Variants in LPP observed in about 807,000 individuals in gnomAD.
The protein encoded by LPP is lipoma-preferred partner.
In LPP, 38 loss-of-function variants were observed where a neutral mutation model predicts 60.4. The observed-to-expected ratio is 0.63, with a 90% CI of 0.49 to 0.83. LPP has a LOEUF of 0.83. Ranked by LOEUF, LPP falls within the 40% of genes least tolerant of loss-of-function variation. The probability of loss-of-function intolerance (pLI) is 0.00; values close to 1 mark genes in which losing one functional copy is unlikely to be tolerated. For synonymous variants in LPP, 328 were observed against 290.8 expected (o/e 1.13, Z -1.30); for missense variants, 902 against 783.6 (o/e 1.15, Z -1.80).
At chr3:188,320,688 G>T (rs902611254) in intron 2 of LPP, among the ~76,000 whole-genome samples, 2 of 152,168 alleles carry the variant, frequency 1.3e-5, no homozygotes, top group Admixed American at 6.5e-5. Context: ...CTTATCCATG[G>T]ATCAAGACTA....
At chr3:188,338,973 T>C (rs746478784) in intron 2 of LPP, among the ~76,000 whole-genome samples, 22 of 152,190 alleles carry the variant, frequency 1.4e-4, no homozygotes, top group Non-Finnish European at 1.8e-4. Context: ...TTTCTTCTGC[T>C]TTTTCTTTAC....
intron 3 of LPP, among the ~76,000 whole-genome samples, chr3:188,383,495 A>G (rs1022738155): frequency 6.6e-5 from 10 of 152,192 alleles, no homozygotes; most frequent in Non-Finnish European, 1.3e-4. Context: ...TGAAAGATGT[A>G]TACTATATAT....
At chr3:188,693,432 C>G (rs144387110) in intron 7 of LPP, among the ~76,000 whole-genome samples, 1 of 152,190 alleles carries the variant, frequency 6.6e-6, no homozygotes, top group Non-Finnish European at 1.5e-5. Context: ...GTCAAGAAAA[C>G]TTTCACCGTT....
intron 7 of LPP, among the ~76,000 whole-genome samples, chr3:188,642,116 TC>T (rs1267400969): frequency 6.6e-6 from 1 of 152,012 alleles, no homozygotes; most frequent in Non-Finnish European, 1.5e-5. Context: ...TAAGCTAACA[TC>T]CCCAGTTTTG....
chr3:188,160,060 C>T (rs1717755650), intron 1 of LPP, among the ~76,000 whole-genome samples: 2 of 151,886 alleles, frequency 1.3e-5, no homozygotes, highest in African/African-American at 4.8e-5. Flanking sequence ...TTACAGGTGC[C>T]CGCCACCACT....
chr3:188,669,234 C>T (rs186669152), intron 7 of LPP, among the ~76,000 whole-genome samples: 3 of 152,076 alleles, frequency 2.0e-5, no homozygotes, highest in South Asian at 2.1e-4. Flanking sequence ...CAGAGCAAGC[C>T]GCATAAATCA....
intron 6 of LPP, among the ~76,000 whole-genome samples, chr3:188,527,956 A>C (rs894282615): frequency 6.6e-6 from 1 of 152,078 alleles, no homozygotes; most frequent in Admixed American, 6.6e-5. Flanking sequence ...TTTATAAAAA[A>C]TCCTCCATGA....
At position 188,889,470 on chromosome 3, in the gene LPP, C is replaced by T. The variant is rs35827609; in HGVS notation, c.*14991C>T. On this transcript the variant is annotated 3_prime_UTR_variant, in exon 12 of 12. Coordinates refer to ENST00000617246, the MANE Select transcript of LPP (RefSeq NM_001375462.1). ...ACTTGCCAAGTCGTTCCCTTTCCTT[C>T]TAAGTCAGTTGGCTCCATATTCACT... 13 of 231,360 alleles carry T rather than the reference C, an allele frequency of 5.6e-5. No individual in the cohort carries two copies. The East Asian group carries it at 7.9e-4, about 14-fold the overall frequency. The allele number at this position is 231,360 out of a possible 1,614,324, so 14.3% of individuals were successfully genotyped here. A position where few individuals can be genotyped will look rare whatever the true frequency, so the allele number is the denominator to read the frequency against.
At chr3:188,499,752 T>A (rs1811285336) in intron 5 of LPP, among the ~76,000 whole-genome samples, 1 of 152,206 alleles carries the variant, frequency 6.6e-6, no homozygotes, top group East Asian at 1.9e-4. Flanking sequence ...ATGAGATGTC[T>A]ACCATTTATT....
chr3:188,223,652 C>T (rs1253058771), intron 1 of LPP, among the ~76,000 whole-genome samples: 2 of 152,190 alleles, frequency 1.3e-5, no homozygotes, highest in African/African-American at 4.8e-5. Flanking sequence ...GTGGAGAGCT[C>T]TTCCTTTCAG....
At chr3:188,743,191 T>A (rs1725038897) in intron 8 of LPP, among the ~76,000 whole-genome samples, 1 of 152,174 alleles carries the variant, frequency 6.6e-6, no homozygotes, top group Non-Finnish European at 1.5e-5. Context: ...AGATTTTATT[T>A]TAAGAAATTA....
intron 3 of LPP, among the ~76,000 whole-genome samples, chr3:188,374,026 G>A (rs112987558): frequency 4.5e-4 from 69 of 152,128 alleles, no homozygotes; most frequent in South Asian, 1.5e-3. Flanking sequence ...GTAGATATGC[G>A]GCATTATTTC....
At chr3:188,187,005 C>A (rs1008127038) in intron 1 of LPP, among the ~76,000 whole-genome samples, 1 of 152,096 alleles carries the variant, frequency 6.6e-6, no homozygotes, top group Non-Finnish European at 1.5e-5. Context: ...TTGACAGTTT[C>A]GCTTCACTCA....
intron 6 of LPP, among the ~76,000 whole-genome samples, chr3:188,592,546 G>GTTTAGTTTTGTTTTT (rs1560607242): frequency 2.0e-5 from 2 of 98,376 alleles, no homozygotes; most frequent in African/African-American, 6.9e-5. Context: ...ACTGTTTTTA[G>GTTTAGTTTTGTTTTT]TTTTGTTTTT....
At position 188,841,043 on chromosome 3, in the gene LPP, C is replaced by T. The variant is rs142668045; in HGVS notation, c.1411-25157C>T. Among the ~76,000 whole-genome samples, 883 of 152,282 alleles carry T rather than the reference C, an allele frequency of 5.8e-3. 2 individuals are homozygous for T. The highest frequency in any genetic ancestry group is 9.0e-3 in the Non-Finnish European group (613 of 68,014). On this transcript the variant is annotated intron_variant, in intron 9 of 11. Coordinates refer to ENST00000617246, the MANE Select transcript of LPP (RefSeq NM_001375462.1). ...ACTGTGTGCTATGTGGGCCATCAGA[C>T]TGTCCCTGGCCATGGCAGGAGAATT...
rs367713888 is a variant in LPP at position 188,669,437 on chromosome 3, G to A, written c.1114-38830G>A. 4.5e-4 allele frequency among the ~76,000 whole-genome samples: 68 copies of A among 152,142 alleles called. 1 individual carries two copies. The South Asian group carries it at 0.013, about 30-fold the overall frequency. ...TAAAAATACAAAAAATTAGCTGGGC[G>A]TGGTGGCGGGCACCTGTAGTCCGAG... On this transcript the variant is annotated intron_variant, in intron 7 of 11. Coordinates refer to ENST00000617246, the MANE Select transcript of LPP (RefSeq NM_001375462.1).
chr3:188,748,983 T>C (rs1414457845), intron 8 of LPP, among the ~76,000 whole-genome samples: 1 of 152,140 alleles, frequency 6.6e-6, no homozygotes, highest in Non-Finnish European at 1.5e-5. Flanking sequence ...CTACTGCCAT[T>C]CCTTTGGTTT....
rs140676312 is a variant in LPP at position 188,182,373 on chromosome 3, T to C, written c.-190+28121T>C. ...GAGCTCACCTCTGCTATATTCATCA[T>C]GTACTTATTTATAGTCATCCCTACC... On this transcript the variant is annotated intron_variant, in intron 1 of 11. Coordinates refer to ENST00000617246, the MANE Select transcript of LPP (RefSeq NM_001375462.1). The surrounding 1 kb of genome is among the most constrained non-coding windows in gnomAD (Gnocchi z 4.4). Among the ~76,000 whole-genome samples the C allele has an allele frequency of 2.1e-3, 327 of 152,332 alleles. No homozygotes were observed. The highest frequency in any genetic ancestry group is 3.5e-3 in the Non-Finnish European group (236 of 68,036).
intron 9 of LPP, among the ~76,000 whole-genome samples, chr3:188,803,313 A>G (rs1747901383): frequency 1.3e-5 from 2 of 152,110 alleles, no homozygotes; most frequent in African/African-American, 4.8e-5. Flanking sequence ...GATTACAGGC[A>G]TTAGCCACTA....
Sources: gnomAD v4.1 joint callset for allele counts (sites outside exome capture counted in the v4.1 genomes callset) on GRCh38, gnomAD v4.1.1 for gene constraint, Gnocchi (gnomAD v3.1) non-coding constraint, MANE v1.5 for transcripts, NCBI Gene and HGNC (gene_info 2026-07-23, HGNC 2026-07-21) for gene names.